ATXN3: variants seen among roughly 807,000 people sequenced by gnomAD.
ATXN3 encodes the protein ataxin-3.
In ATXN3, 28 loss-of-function variants were observed where a neutral mutation model predicts 58.2. That is an observed-to-expected ratio of 0.48 (90% CI 0.36 to 0.66). The LOEUF (loss-of-function observed/expected upper bound fraction) is 0.66. Ranked by LOEUF, ATXN3 falls within the 30% of genes least tolerant of loss-of-function variation. The pLI is 0.00. For synonymous variants in ATXN3, 113 were observed against 138.5 expected (o/e 0.82, Z 1.29); for missense variants, 321 against 422.1 (o/e 0.76, Z 2.10).
At chr14:92,082,642 T>C (rs2140769220) in intron 7 of ATXN3, among the ~76,000 whole-genome samples, 176 bp from the exon 8 acceptor site, 1 of 147,592 alleles carries the variant, frequency 6.8e-6, no homozygotes, top group Admixed American at 6.7e-5. Flanking sequence ...GTTTTTTTTT[T>C]CCGTTTCTTT....
At chr14:92,055,116 G>A (rs1352551242), downstream of ATXN3, among the ~76,000 whole-genome samples, 2 of 152,096 alleles carry the variant, frequency 1.3e-5, no homozygotes, top group Non-Finnish European at 2.9e-5. This position sits in a 1 kb window ranked among gnomAD's most constrained non-coding sequence, Gnocchi z 4.5. Context: ...TCGTGACCTC[G>A]TGATCCGCCT....
chr14:92,077,786 A>C (rs1225545525), intron 9 of ATXN3, among the ~76,000 whole-genome samples: 1 of 151,850 alleles, frequency 6.6e-6, no homozygotes, highest in African/African-American at 2.4e-5. Context: ...CTGTGATTAC[A>C]GGTGTGCACC....
intron 6 of ATXN3, among the ~76,000 whole-genome samples, chr14:92,087,177 G>C (rs2062778944): frequency 6.6e-6 from 1 of 152,070 alleles, no homozygotes; most frequent in Non-Finnish European, 1.5e-5. Flanking sequence ...TTCTTGGAGA[G>C]TGGTACATAA....
intron 6 of ATXN3, among the ~76,000 whole-genome samples, chr14:92,088,399 A>C (rs2063064026): frequency 6.6e-6 from 1 of 152,190 alleles, no homozygotes; most frequent in Non-Finnish European, 1.5e-5. Context: ...AAGAAACTGG[A>C]GTTTATAAGG....
intron 2 of ATXN3, chr14:92,096,393 G>A: frequency 1.8e-6 from 2 of 1,134,258 alleles, no homozygotes; most frequent in Non-Finnish European, 2.4e-6. Context: ...GGGAGGCCAA[G>A]ACAGGTGGAT....
chr14:92,082,786 A>T (rs546941052), intron 7 of ATXN3, among the ~76,000 whole-genome samples: 1 of 151,958 alleles, frequency 6.6e-6, no homozygotes, highest in African/African-American at 2.4e-5. Context: ...AGTAGCTGGG[A>T]CTATAGGCAT....
chr14:92,083,560 A>G, intron 6 of ATXN3: 1 of 473,982 alleles, frequency 2.1e-6, no homozygotes, highest in Non-Finnish European at 4.0e-6. Context: ...TTGACTGAGC[A>G]GGCTACTCAC....
downstream of ATXN3, among the ~76,000 whole-genome samples, chr14:92,054,942 C>T (rs901234861): frequency 1.3e-5 from 2 of 152,168 alleles, no homozygotes; most frequent in African/African-American, 2.4e-5. Flanking sequence ...AGTGCAGTGG[C>T]GTGATCTCGG....
chr14:92,054,956 A>C (rs1474796617), downstream of ATXN3, among the ~76,000 whole-genome samples: 3 of 152,184 alleles, frequency 2.0e-5, no homozygotes, highest in Non-Finnish European at 4.4e-5. Context: ...ATCTCGGCTC[A>C]CTGCAACCTC....
At chr14:92,049,015 A>G (rs1344552787) in intron 1 of ATXN3, among the ~76,000 whole-genome samples, 1 of 152,230 alleles carries the variant, frequency 6.6e-6, no homozygotes, top group Non-Finnish European at 1.5e-5. Context: ...AACAAAAATT[A>G]TCTAGATCCT....
intron 8 of ATXN3, among the ~76,000 whole-genome samples, chr14:92,081,465 CA>C (rs58398762): frequency 0.12 from 9,491 of 82,264 alleles, 64 homozygotes; most frequent in African/African-American, 0.13. Context: ...GACTCTGACT[CA>C]AAAAAAAAAA....
rs2057588418 is a variant in ATXN3 at position 92,059,380 on chromosome 14, A to G, written c.*4940T>C. 1 of 152,224 alleles carries G rather than the reference A, an allele frequency of 6.6e-6. No individual in the cohort carries two copies. The highest frequency in any genetic ancestry group is 1.5e-5 in the Non-Finnish European group (1 of 68,050). 9.4% of individuals were successfully genotyped at this position (152,224 alleles called of 1,614,324 possible). ...GATGCTGGTTATAAAGGGGCCAGAA[A>G]TAAAAGAAAGTTTTTATTTTGAATA... On this transcript the variant is annotated 3_prime_UTR_variant, in exon 11 of 11. Coordinates refer to ENST00000644486, the MANE Select transcript of ATXN3 (RefSeq NM_004993.6).
At chr14:92,087,474 G>A (rs1050870306) in intron 6 of ATXN3, among the ~76,000 whole-genome samples, 1 of 152,170 alleles carries the variant, frequency 6.6e-6, no homozygotes, top group African/African-American at 2.4e-5. Context: ...TGGGTGAATG[G>A]ATGGATAGAT....
At position 92,059,428 on chromosome 14, in the gene ATXN3, T is replaced by G. The variant is rs2057591520; in HGVS notation, c.*4892A>C. On this transcript the variant is annotated 3_prime_UTR_variant, in exon 11 of 11. Coordinates refer to ENST00000644486, the MANE Select transcript of ATXN3 (RefSeq NM_004993.6). ...ATATGAAAAATAAAGTTATTTACATTGCTGACATGATTAGTTGATCCAATC... is the reference window on the plus strand; with the variant it reads ...ATATGAAAAATAAAGTTATTTACATGGCTGACATGATTAGTTGATCCAATC... 6.6e-6 allele frequency: 1 copy of G among 152,202 alleles called. No homozygotes were observed. Among genetic ancestry groups the G allele is most frequent in the Non-Finnish European group, 1.5e-5 (1 of 68,038 alleles). The allele number at this position is 152,202 out of a possible 1,614,324, so 9.4% of individuals were successfully genotyped here. A position where few individuals can be genotyped will look rare whatever the true frequency, so the allele number is the denominator to read the frequency against.
chr14:92,066,601 G>GTTTTTTTTT (rs66941473), intron 10 of ATXN3, among the ~76,000 whole-genome samples: 5 of 107,022 alleles, frequency 4.7e-5, no homozygotes, highest in East Asian at 2.7e-4. Flanking sequence ...TTTTTTTCTT[G>GTTTTTTTTT]TTTTTTTTTT....
chr14:92,064,423 A>G lies in ATXN3; in HGVS notation c.992-9T>C. 6.3e-7 allele frequency: 1 copy of G among 1,581,726 alleles called. No individual in the cohort carries two copies. The highest frequency in any genetic ancestry group is 8.6e-7 in the Non-Finnish European group (1 of 1,158,662). On this transcript the variant is annotated splice_polypyrimidine_tract_variant and intron_variant, in intron 10 of 10. Transcript: ENST00000644486. ...TTCACTCATAGCATCACCTGTTGGG[A>G]AACAAAACCACATTTCTTTAAAATT...
chr14:92,094,299 C>G (rs778504040), intron 3 of ATXN3, among the ~76,000 whole-genome samples: 11 of 151,972 alleles, frequency 7.2e-5, no homozygotes, highest in African/African-American at 2.7e-4. Flanking sequence ...TAAAAAAAAA[C>G]ACATATATAT....
rs1555392594 is a variant in ATXN3 at position 92,060,270 on chromosome 14, A to ATACACACACATATATATATATATAT, written c.*4049_*4050insATATATATATATATATGTGTGTGTA. 1 of 117,422 alleles carries ATACACACACATATATATATATATAT rather than the reference A, an allele frequency of 8.5e-6. No individual in the cohort carries two copies. Among genetic ancestry groups the ATACACACACATATATATATATATAT allele is most frequent in the African/African-American group, 3.5e-5 (1 of 28,296 alleles). The allele number at this position is 117,422 out of a possible 1,614,324, so 7.3% of individuals were successfully genotyped here. A position where few individuals can be genotyped will look rare whatever the true frequency, so the allele number is the denominator to read the frequency against. ...CACACATATATATATATATATATAT[A>ATACACACACATATATATATATATAT]TTTTTTTTTTTCAGAAACAGTGTCT... On this transcript the variant is annotated 3_prime_UTR_variant, in exon 11 of 11. Coordinates refer to ENST00000644486, the MANE Select transcript of ATXN3 (RefSeq NM_004993.6).
intron 6 of ATXN3, among the ~76,000 whole-genome samples, chr14:92,086,253 C>CAAAAAAAAAAAAAAAAAAAAA (rs869147623): frequency 2.1e-5 from 2 of 94,930 alleles, no homozygotes; most frequent in African/African-American, 4.4e-5. Context: ...ACTAAAAATA[C>CAAAAAAAAAAAAAAAAAAAAA]AAAAAAAAAA....
Sources: gnomAD v4.1 joint callset for allele counts (sites outside exome capture counted in the v4.1 genomes callset) on GRCh38, gnomAD v4.1.1 for gene constraint, Gnocchi (gnomAD v3.1) non-coding constraint, MANE v1.5 for transcripts, NCBI Gene and HGNC (gene_info 2026-07-23, HGNC 2026-07-21) for gene names.